The following PCDH11X variants were observed in gnomAD, a reference collection of about 807,000 sequenced individuals.
PCDH11X encodes the protein protocadherin-11 X-linked.
PCDH11X carries 18 observed loss-of-function variants against 53.3 expected under a neutral mutation model. The ratio of observed to expected loss-of-function variants is 0.34; its 90% confidence interval spans 0.23 to 0.50. The LOEUF is 0.50. Ranked by LOEUF, PCDH11X falls within the 20% of genes least tolerant of loss-of-function variation. PCDH11X has a pLI of 0.98. For synonymous variants in PCDH11X, 279 were observed against 393.3 expected, an observed-to-expected ratio of 0.71 and a Z score of 3.44; for missense variants, 570 against 1,032.4, an observed-to-expected ratio of 0.55 and a Z score of 6.14.
intron 10 of PCDH11X, among the ~76,000 whole-genome samples, chrX:92,595,233 T>G (rs1392325177): frequency 9.2e-6 from 1 of 108,871 alleles, no homozygotes; most frequent in Admixed American, 1.0e-4. Context: ...AGTCCTGCCA[T>G]GTGGTAAGTA....
rs183146244 is a variant in PCDH11X, at chrX:92,201,652, A to G, written c.3114+197A>G. The stretch of plus-strand genomic sequence containing the variant: ...CTTTTTAGTGTGATTTGATAATAAC[A>G]GTGAAATTAACTTGTTGGATCAAGT... On this transcript the variant is annotated intron_variant, in intron 7 of 10. Transcript: ENST00000682573. Among the ~76,000 whole-genome samples the G allele has an allele frequency of 3.1e-4, 35 of 112,140 alleles. No individual in the cohort carries two copies. In the East Asian group the frequency reaches 3.4e-3, roughly 11 times the overall value.
At chrX:92,221,154 C>G (rs2148354702) in intron 7 of PCDH11X, among the ~76,000 whole-genome samples, 1 of 101,576 alleles carries the variant, frequency 9.8e-6, no homozygotes, top group African/African-American at 3.6e-5. Context: ...ACATATGTAA[C>G]TAACCTGCAC....
chrX:92,064,992 C>T (rs2063585879), intron 6 of PCDH11X, among the ~76,000 whole-genome samples: 1 of 105,619 alleles, frequency 9.5e-6, no homozygotes, highest in South Asian at 4.0e-4. Context: ...GAGGGTGGAC[C>T]CAAGGAGCTG....
chrX:92,597,376 T>C (rs1423430400), intron 10 of PCDH11X, among the ~76,000 whole-genome samples: 2 of 110,730 alleles, frequency 1.8e-5, no homozygotes, highest in African/African-American at 6.6e-5. Flanking sequence ...CATTTCTATA[T>C]CCCAACAGTG....
intron 9 of PCDH11X, among the ~76,000 whole-genome samples, chrX:92,399,693 C>T (rs1420800918): frequency 2.7e-5 from 3 of 110,674 alleles, no homozygotes; most frequent in Non-Finnish European, 5.6e-5. Context: ...TCTGTCCACA[C>T]ACACAAATGT....
intron 10 of PCDH11X, among the ~76,000 whole-genome samples, chrX:92,519,537 G>C (rs1340179868): frequency 1.9e-5 from 2 of 107,903 alleles, no homozygotes; most frequent in Non-Finnish European, 3.8e-5. Flanking sequence ...TATCAAAAAG[G>C]GTATTAACCT....
At chrX:92,063,338 T>TA (rs77268445) in intron 6 of PCDH11X, among the ~76,000 whole-genome samples, 166 of 103,750 alleles carry the variant, frequency 1.6e-3, no homozygotes, top group Non-Finnish European at 2.0e-3. Context: ...CTTAAAGTAT[T>TA]AAAAAAAAAA....
chrX:92,349,936 T>G (rs1018613732), intron 8 of PCDH11X, among the ~76,000 whole-genome samples: 3 of 108,774 alleles, frequency 2.8e-5, no homozygotes, highest in Admixed American at 9.8e-5. Context: ...TAGTTTCAAT[T>G]TAGATGCTCC....
intron 6 of PCDH11X, among the ~76,000 whole-genome samples, chrX:91,969,087 A>G (rs1307063021): frequency 9.0e-6 from 1 of 111,175 alleles, no homozygotes; most frequent in Non-Finnish European, 1.9e-5. Context: ...ATATTTATGT[A>G]TTCAGTGATA....
At chrX:91,951,355 G>A (rs1317682901) in intron 6 of PCDH11X, among the ~76,000 whole-genome samples, 1 of 110,258 alleles carries the variant, frequency 9.1e-6, no homozygotes, top group East Asian at 2.9e-4. Context: ...GACTTGGAGA[G>A]TAGCCTTTCT....
intron 6 of PCDH11X, among the ~76,000 whole-genome samples, chrX:91,957,377 C>T (rs2061723621): frequency 9.0e-6 from 1 of 111,220 alleles, no homozygotes; most frequent in Non-Finnish European, 1.9e-5. Context: ...ATTGATTCTT[C>T]CTCATATCTG....
At chrX:92,356,936 G>C (rs1485727850) in intron 8 of PCDH11X, among the ~76,000 whole-genome samples, 1 of 111,353 alleles carries the variant, frequency 9.0e-6, no homozygotes, top group Non-Finnish European at 1.9e-5. Context: ...ATCATGGAAG[G>C]CAACAGGAAA....
At chrX:92,486,219 A>C (rs1023403600) in intron 10 of PCDH11X, among the ~76,000 whole-genome samples, 18 of 111,641 alleles carry the variant, frequency 1.6e-4, no homozygotes, top group Non-Finnish European at 2.8e-4. Flanking sequence ...AATTTTTTAC[A>C]ATCTTATTTA....
intron 8 of PCDH11X, among the ~76,000 whole-genome samples, chrX:92,277,388 C>T (rs908438417): frequency 1.8e-5 from 2 of 111,009 alleles, no homozygotes; most frequent in Admixed American, 9.7e-5. Context: ...TGGGGTCAAG[C>T]GGCATTGCAG....
At chrX:92,064,525 A>AATAG (rs2148068645) in intron 6 of PCDH11X, among the ~76,000 whole-genome samples, 1 of 105,271 alleles carries the variant, frequency 9.5e-6, no homozygotes, top group African/African-American at 3.8e-5. Flanking sequence ...TAAATAAATA[A>AATAG]ATAGTTTTGT....
chrX:92,128,185 C>A (rs1252294920), intron 6 of PCDH11X, among the ~76,000 whole-genome samples: 1 of 111,215 alleles, frequency 9.0e-6, no homozygotes, highest in Admixed American at 9.8e-5. Flanking sequence ...GTAAAATAGT[C>A]TTCTGATGGG....
chrX:92,011,500 G>A (rs1312176486), intron 6 of PCDH11X, among the ~76,000 whole-genome samples: 1 of 112,234 alleles, frequency 8.9e-6, no homozygotes, highest in Non-Finnish European at 1.9e-5. Context: ...TTTTGATGAG[G>A]CAAATATTCC....
chrX:92,290,605 G>C (rs906547015), intron 8 of PCDH11X, among the ~76,000 whole-genome samples: 1 of 112,174 alleles, frequency 8.9e-6, no homozygotes, highest in African/African-American at 3.2e-5. Flanking sequence ...ATGTTGTCAT[G>C]TTTGTCTAAA....
intron 6 of PCDH11X, among the ~76,000 whole-genome samples, chrX:92,086,972 G>A (rs1269542990): frequency 9.1e-6 from 1 of 110,268 alleles, no homozygotes; most frequent in Non-Finnish European, 1.9e-5. Context: ...TATGGAGGAA[G>A]CATCACCAGA....
Sources: allele counts gnomAD v4.1 joint callset (sites outside exome capture counted in the v4.1 genomes callset), GRCh38; gene constraint gnomAD v4.1.1; transcripts MANE v1.5; gene names NCBI Gene and HGNC (gene_info 2026-07-23, HGNC 2026-07-21).